CTNNA3: variants seen among roughly 807,000 people sequenced by gnomAD.
CTNNA3 encodes the protein catenin alpha 3.
Under a neutral mutation model 95.7 loss-of-function variants are expected in CTNNA3, and 76 were observed. That is an observed-to-expected ratio of 0.79 (90% CI 0.66 to 0.96). CTNNA3 has a LOEUF of 0.96. Among genes scored for constraint, CTNNA3 ranks in the 40% least tolerant of loss-of-function variants. The probability of loss-of-function intolerance (pLI) is 0.00; values close to 1 mark genes in which losing one functional copy is unlikely to be tolerated. For missense variants in CTNNA3, 1,191 were observed against 1,089.8 expected, an observed-to-expected ratio of 1.09 and a Z score of -1.31; for synonymous variants, 431 against 374.4, an observed-to-expected ratio of 1.15 and a Z score of -1.74.
At chr10:67,649,711 T>A (rs1009640590) in intron 1 of CTNNA3, among the ~76,000 whole-genome samples, 1 of 152,268 alleles carries the variant, frequency 6.6e-6, no homozygotes, top group Non-Finnish European at 1.5e-5. Context: ...GAAAACTGCA[T>A]AATTTTGCAA....
intron 7 of CTNNA3, among the ~76,000 whole-genome samples, chr10:67,167,429 C>T (rs1198881319): frequency 6.6e-6 from 1 of 152,144 alleles, no homozygotes; most frequent in African/African-American, 2.4e-5. Flanking sequence ...AAGTTGAGCA[C>T]TCCAAAACAA....
At chr10:67,505,865 CA>C (rs1324609954) in intron 5 of CTNNA3, among the ~76,000 whole-genome samples, 1 of 151,942 alleles carries the variant, frequency 6.6e-6, no homozygotes, top group East Asian at 1.9e-4. Context: ...CTAATATGAG[CA>C]GAATTTATAT....
intron 2 of CTNNA3, among the ~76,000 whole-genome samples, chr10:67,641,904 T>C (rs963761201): frequency 3.3e-5 from 5 of 152,152 alleles, no homozygotes; most frequent in Non-Finnish European, 5.9e-5. Flanking sequence ...GTATACCTAA[T>C]GTAAATGACA....
intron 5 of CTNNA3, among the ~76,000 whole-genome samples, chr10:67,350,937 AT>A (rs1842610915): frequency 7.2e-6 from 1 of 139,042 alleles, no homozygotes; most frequent in African/African-American, 2.9e-5. Context: ...TATATGCATT[AT>A]TCATAATTAC....
chr10:67,373,497 G>T (rs563247927), intron 5 of CTNNA3, among the ~76,000 whole-genome samples: 166 of 152,276 alleles, frequency 1.1e-3, no homozygotes, highest in African/African-American at 3.7e-3. Context: ...GACGTACAAA[G>T]AGACTTAGAC....
chr10:66,384,914 C>T (rs1279483895), intron 11 of CTNNA3, among the ~76,000 whole-genome samples: 1 of 152,110 alleles, frequency 6.6e-6, no homozygotes, highest in Non-Finnish European at 1.5e-5. Flanking sequence ...ACACAACATA[C>T]CAGAATCTCT....
At chr10:66,742,296 G>T (rs1849353294) in intron 9 of CTNNA3, among the ~76,000 whole-genome samples, 1 of 152,244 alleles carries the variant, frequency 6.6e-6, no homozygotes. Flanking sequence ...TTAGGATCAG[G>T]AAATTCCCGC....
chr10:66,873,788 G>C (rs1166932049), intron 7 of CTNNA3, among the ~76,000 whole-genome samples: 1 of 152,086 alleles, frequency 6.6e-6, no homozygotes, highest in Non-Finnish European at 1.5e-5. Context: ...TTAAACGTAA[G>C]ACTTCAGGCT....
chr10:66,259,152 C>A (rs1243022520), intron 13 of CTNNA3, among the ~76,000 whole-genome samples: 2 of 152,166 alleles, frequency 1.3e-5, no homozygotes, highest in African/African-American at 4.8e-5. Context: ...ACTATGCAAT[C>A]CCAATATCGG....
At chr10:67,165,123 T>A (rs746309645) in intron 7 of CTNNA3, among the ~76,000 whole-genome samples, 1 of 152,108 alleles carries the variant, frequency 6.6e-6, no homozygotes, top group Non-Finnish European at 1.5e-5. Flanking sequence ...CCTACCATAG[T>A]CAAATGTATA....
At chr10:67,128,072 T>A (rs1418121926) in intron 7 of CTNNA3, among the ~76,000 whole-genome samples, 2 of 152,086 alleles carry the variant, frequency 1.3e-5, no homozygotes, top group Non-Finnish European at 2.9e-5. Flanking sequence ...CTCCTCTTCA[T>A]CATCTCCTAT....
chr10:67,188,336 A>C (rs1026419746), intron 6 of CTNNA3, among the ~76,000 whole-genome samples: 5 of 152,304 alleles, frequency 3.3e-5, no homozygotes, highest in Admixed American at 1.3e-4. Flanking sequence ...TTCTACAAAA[A>C]ATATAAAAGT....
intron 4 of CTNNA3, among the ~76,000 whole-genome samples, chr10:67,529,086 G>T (rs1055122936): frequency 6.6e-6 from 1 of 152,006 alleles, no homozygotes; most frequent in Non-Finnish European, 1.5e-5. Flanking sequence ...TTGAGTTAGC[G>T]ATTCCAGAAT....
chr10:67,232,338 G>C (rs538585347), intron 5 of CTNNA3, among the ~76,000 whole-genome samples: 1 of 152,126 alleles, frequency 6.6e-6, no homozygotes, highest in Non-Finnish European at 1.5e-5. Context: ...CAAGCCAGAA[G>C]AGAGTGGGGG....
At chr10:67,012,400 TTTTCA>T (rs1362987466) in intron 7 of CTNNA3, 1 of 152,190 alleles carries the variant, frequency 6.6e-6, no homozygotes, top group Non-Finnish European at 1.5e-5. Flanking sequence ...TTAGGTTGAT[TTTTCA>T]TTTAAAAATT....
intron 1 of CTNNA3, among the ~76,000 whole-genome samples, chr10:67,726,969 T>G (rs1339175393): frequency 7.9e-5 from 9 of 114,124 alleles, no homozygotes; most frequent in Non-Finnish European, 1.3e-4. Context: ...TAATTATATA[T>G]ATAATATACG....
At chr10:66,008,076 G>A (rs182763351) in intron 15 of CTNNA3, among the ~76,000 whole-genome samples, 130 of 152,114 alleles carry the variant, frequency 8.5e-4, no homozygotes, top group African/African-American at 3.0e-3. Flanking sequence ...ATATTGAACC[G>A]GGCTGAGAAG....
chr10:66,432,664 A>AT, intron 11 of CTNNA3, among the ~76,000 whole-genome samples: 1 of 145,772 alleles, frequency 6.9e-6, no homozygotes, highest in Non-Finnish European at 1.5e-5. Flanking sequence ...ATCTCACAGA[A>AT]AAAAAAAAAA....
chr10:66,806,908 T>C (rs955962993), intron 7 of CTNNA3, among the ~76,000 whole-genome samples: 1 of 151,626 alleles, frequency 6.6e-6, no homozygotes, highest in Non-Finnish European at 1.5e-5. Context: ...TTTCAGGAAA[T>C]TGAGAGAGAC....
Sources: gnomAD v4.1 joint callset for allele counts (sites outside exome capture counted in the v4.1 genomes callset) on GRCh38, gnomAD v4.1.1 for gene constraint, MANE v1.5 for transcripts, NCBI Gene and HGNC (gene_info 2026-07-23, HGNC 2026-07-21) for gene names.